The following GAREM2 variants were observed in gnomAD, a reference collection of about 807,000 sequenced individuals.
GAREM2 encodes the protein GRB2 associated regulator of MAPK1 subtype 2.
GAREM2 carries 30 observed loss-of-function variants against 55.6 expected under a neutral mutation model. The ratio of observed to expected loss-of-function variants is 0.54; its 90% CI spans 0.40 to 0.73. The LOEUF is 0.73. GAREM2 is among the 30% of genes least tolerant of loss of function. The pLI is 0.00. For missense variants in GAREM2, 1,075 were observed against 1,257.7 expected, an observed-to-expected ratio of 0.85 and a Z score of 2.20; for synonymous variants, 550 against 569.1, an observed-to-expected ratio of 0.97 and a Z score of 0.48.
chr2:26,186,130 G>T, intron 4 of GAREM2, 59 bp from the exon 5 acceptor site: 1 of 1,427,626 alleles, frequency 7.0e-7, no homozygotes, highest in Non-Finnish European at 9.3e-7. Flanking sequence ...TTGGGAAGGG[G>T]AAGATAAGGA....
chr2:26,201,030 C>A, the GAREM2 span: 1 of 806,042 alleles, frequency 1.2e-6, no homozygotes, highest in Non-Finnish European at 2.1e-6. Context: ...CCATGCCCAG[C>A]CTTTGAATAG....
At chr2:26,180,771 C>G (rs1398613229) in intron 2 of GAREM2, 3 of 274,116 alleles carry the variant, frequency 1.1e-5, no homozygotes, top group African/African-American at 4.6e-5. Flanking sequence ...TGTGTGCCAC[C>G]ACACCCAGAG....
the GAREM2 span, chr2:26,204,195 G>A: frequency 6.2e-7 from 1 of 1,613,842 alleles, no homozygotes; most frequent in Non-Finnish European, 8.5e-7. Context: ...ATAGCCAGAT[G>A]CCTGCAAGGC....
the GAREM2 span, among the ~76,000 whole-genome samples, chr2:26,199,693 C>T: frequency 7.2e-5 from 11 of 152,270 alleles, no homozygotes; most frequent in African/African-American, 2.4e-4. Flanking sequence ...CTGTGGGGCC[C>T]GGTAGCCTCT....
At chr2:26,195,349 C>A in the GAREM2 span, 1 of 885,060 alleles carries the variant, frequency 1.1e-6, no homozygotes, top group African/African-American at 1.6e-5. Context: ...AGGAATACTG[C>A]TTGACATAGC....
intron 3 of GAREM2, among the ~76,000 whole-genome samples, chr2:26,183,844 G>T (rs1669133405): frequency 6.6e-6 from 1 of 152,244 alleles, no homozygotes; most frequent in Admixed American, 6.5e-5. Context: ...AGCCTTGTTG[G>T]ATGGGTAGGG....
downstream of GAREM2, among the ~76,000 whole-genome samples, chr2:26,190,461 T>G (rs1397243055): frequency 1.3e-5 from 2 of 152,200 alleles, no homozygotes; most frequent in Non-Finnish European, 2.9e-5. Context: ...GCTCCCGTGC[T>G]GCCTGATTAC....
the GAREM2 span, among the ~76,000 whole-genome samples, chr2:26,202,443 C>T: frequency 4.6e-5 from 7 of 152,062 alleles, no homozygotes; most frequent in Admixed American, 4.6e-4. Flanking sequence ...AAGGAGTATT[C>T]AAAGAAGGTC....
In GAREM2 at chr2:26,188,179, G is replaced by C. The variant is rs1669356650; in HGVS notation, c.2547G>C (p.Leu849=). Residue 849 remains leucine (L), a synonymous_variant, in exon 6 of 6, where the codon CTG becomes CTC. Coordinates refer to ENST00000401533, the MANE Select transcript of GAREM2 (RefSeq NM_001168241.2). Reference sequence around the variant, plus strand: ...TTGTGCAGCTCAGTGAGGACATCCTGGCAGATGACTTCCACCTCACCAAGC... The same window carrying C: ...TTGTGCAGCTCAGTGAGGACATCCTCGCAGATGACTTCCACCTCACCAAGC... ...SIFVQLSEDI[L]ADDFHLTKLQ... is the part of the protein sequence containing the mutation. 1 of 1,546,774 alleles carries C rather than the reference G, an allele frequency of 6.5e-7. No individual in the cohort carries two copies.
intron 1 of GAREM2, 109 bp from the exon 2 acceptor site, chr2:26,176,235 T>C: frequency 1.9e-6 from 2 of 1,069,970 alleles, no homozygotes; most frequent in Non-Finnish European, 2.6e-6. Context: ...TGTGTGGAGC[T>C]GTCCCTCAGG....
intron 1 of GAREM2, among the ~76,000 whole-genome samples, chr2:26,173,719 C>G (rs893824904): frequency 6.6e-6 from 1 of 152,030 alleles, no homozygotes; most frequent in African/African-American, 2.4e-5. Context: ...TCTGTCTTCC[C>G]TCATCCCTGG....
chr2:26,173,875 G>A (rs1668777389), intron 1 of GAREM2, among the ~76,000 whole-genome samples: 1 of 152,014 alleles, frequency 6.6e-6, no homozygotes, highest in Non-Finnish European at 1.5e-5. Context: ...GGCGGGAGCC[G>A]GGTCTGCTGC....
chr2:26,177,525 T>C (rs1305619933), intron 2 of GAREM2, among the ~76,000 whole-genome samples: 4 of 152,124 alleles, frequency 2.6e-5, no homozygotes, highest in African/African-American at 9.7e-5. Flanking sequence ...TTTTTTGTGT[T>C]TTTAGAGATG....
At position 26,179,033 on chromosome 2, in the gene GAREM2, C is replaced by T. The variant is rs971587448; in HGVS notation, c.253+2549C>T. Among the ~76,000 whole-genome samples, 19 of 152,102 alleles carry T rather than the reference C, an allele frequency of 1.2e-4. No individual in the cohort carries two copies. The highest frequency in any genetic ancestry group is 3.1e-4 in the African/African-American group (13 of 41,414). ...TCGGGCGGGCGGGGGTGGCCGGCTG[C>T]GGACCGCGGAGAGAGCCGAGGGGAA... On this transcript the variant is annotated intron_variant, in intron 2 of 5. Transcript: ENST00000401533. This position sits in a 1 kb window ranked among gnomAD's most constrained non-coding sequence, Gnocchi z 4.7.
downstream of GAREM2, among the ~76,000 whole-genome samples, chr2:26,191,888 C>T (rs1669517074): frequency 6.6e-6 from 1 of 152,184 alleles, no homozygotes; most frequent in Non-Finnish European, 1.5e-5. Flanking sequence ...TCTTTGACAT[C>T]AGCAACAGTC....
Position 26,188,632 on chromosome 2 carries a change from G to C in GAREM2, c.*375G>C, listed in dbSNP as rs1669378225. On this transcript the variant is annotated 3_prime_UTR_variant, in exon 6 of 6. Transcript: ENST00000401533. ...CGACTTCCACTGCTGAAGCCTGTAGGCTCTGTTTAGAGACAAGAAGATGGC... is the reference window on the plus strand; with the variant it reads ...CGACTTCCACTGCTGAAGCCTGTAGCCTCTGTTTAGAGACAAGAAGATGGC... The C allele has an allele frequency of 5.3e-6, 1 of 190,076 alleles. No homozygotes were observed. The highest frequency in any genetic ancestry group is 1.1e-5 in the Non-Finnish European group (1 of 93,526). The allele number at this position is 190,076 out of a possible 1,614,324, so 11.8% of individuals were successfully genotyped here.
the GAREM2 span, among the ~76,000 whole-genome samples, chr2:26,196,111 A>T: frequency 2.9e-3 from 446 of 152,274 alleles, 4 homozygotes; most frequent in African/African-American, 0.01. Flanking sequence ...CTTACATTTA[A>T]TCCATTACAA....
chr2:26,195,429 C>G, the GAREM2 span, among the ~76,000 whole-genome samples: 1 of 152,064 alleles, frequency 6.6e-6, no homozygotes, highest in Non-Finnish European at 1.5e-5. Context: ...TGGAATCCTC[C>G]TCTTCCATTT....
chr2:26,180,217 C>T (rs1347031879), intron 2 of GAREM2, among the ~76,000 whole-genome samples: 1 of 152,216 alleles, frequency 6.6e-6, no homozygotes, highest in East Asian at 1.9e-4. Flanking sequence ...GCTTCAGGCC[C>T]TGACCTCTGC....
Sources: allele counts gnomAD v4.1 joint callset (sites outside exome capture counted in the v4.1 genomes callset), GRCh38; gene constraint gnomAD v4.1.1; non-coding constraint Gnocchi (gnomAD v3.1); transcripts MANE v1.5; gene names NCBI Gene and HGNC (gene_info 2026-07-23, HGNC 2026-07-21).